RALGPS1: variants seen among roughly 807,000 people sequenced by gnomAD.
The protein encoded by RALGPS1 is Ral GEF with PH domain and SH3 binding motif 1.
In RALGPS1, 19 loss-of-function variants were observed where a neutral mutation model predicts 78.8. The observed-to-expected ratio is 0.24, with a 90% CI of 0.17 to 0.35. The LOEUF (loss-of-function observed/expected upper bound fraction) is 0.35. Ranked by LOEUF, RALGPS1 falls within the 10% of genes least tolerant of loss-of-function variation. The pLI, the probability that RALGPS1 is intolerant of heterozygous loss-of-function variation, is 1.00. For missense variants in RALGPS1, 454 were observed against 688.3 expected, an observed-to-expected ratio of 0.66 and a Z score of 3.81; for synonymous variants, 228 against 256.3, an observed-to-expected ratio of 0.89 and a Z score of 1.06.
chr9:126,928,639 T>G (rs1482086037), intron 1 of RALGPS1, among the ~76,000 whole-genome samples: 1 of 152,128 alleles, frequency 6.6e-6, no homozygotes, highest in Non-Finnish European at 1.5e-5. Context: ...CTCGCTCTTG[T>G]TGCTCAGGCT....
chr9:127,004,998 G>A (rs78426892), intron 4 of RALGPS1, among the ~76,000 whole-genome samples: 8,012 of 152,268 alleles, frequency 0.053, 242 homozygotes, highest in South Asian at 0.078. Context: ...ACTCTGGTAG[G>A]AGAGAACTTG....
At chr9:127,121,879 C>T (rs904924901) in intron 8 of RALGPS1, among the ~76,000 whole-genome samples, 3 of 152,196 alleles carry the variant, frequency 2.0e-5, no homozygotes, top group Non-Finnish European at 1.5e-5. Context: ...TCACATTGTC[C>T]CGGCCTGGGG....
intron 4 of RALGPS1, among the ~76,000 whole-genome samples, chr9:126,998,171 G>C (rs1390363359): frequency 6.6e-6 from 1 of 151,888 alleles, no homozygotes; most frequent in African/African-American, 2.4e-5. Context: ...TTGACAAATG[G>C]GATCTAATTA....
intron 4 of RALGPS1, among the ~76,000 whole-genome samples, chr9:126,984,154 T>C (rs1347205662): frequency 6.6e-6 from 1 of 152,230 alleles, no homozygotes; most frequent in African/African-American, 2.4e-5. Context: ...ACCTAGGCTC[T>C]AATGCAGTGG....
intron 4 of RALGPS1, among the ~76,000 whole-genome samples, chr9:127,000,639 C>T (rs1310908815): frequency 7.0e-6 from 1 of 142,450 alleles, no homozygotes; most frequent in African/African-American, 2.5e-5. Context: ...ACCTTTGCTT[C>T]CCAGGTTCAA....
At chr9:127,017,806 G>A (rs1453648578) in intron 4 of RALGPS1, among the ~76,000 whole-genome samples, 1 of 151,800 alleles carries the variant, frequency 6.6e-6, no homozygotes, top group Non-Finnish European at 1.5e-5. Flanking sequence ...ACACACATTA[G>A]CCTAGGTCTA....
chr9:127,115,870 A>T (rs1490780597), intron 8 of RALGPS1, among the ~76,000 whole-genome samples: 1 of 152,192 alleles, frequency 6.6e-6, no homozygotes, highest in East Asian at 1.9e-4. Flanking sequence ...AGGACTGTGC[A>T]TTGTTTGTCC....
intron 3 of RALGPS1, among the ~76,000 whole-genome samples, chr9:126,973,318 G>A (rs1474334867): frequency 6.6e-6 from 1 of 152,126 alleles, no homozygotes; most frequent in African/African-American, 2.4e-5. Flanking sequence ...AGCTCACTAG[G>A]TATGATCACA....
intron 8 of RALGPS1, among the ~76,000 whole-genome samples, chr9:127,105,166 C>G (rs1480610758): frequency 6.6e-6 from 1 of 152,156 alleles, no homozygotes; most frequent in Non-Finnish European, 1.5e-5. Context: ...AGATGGGTCA[C>G]AAGAAATCTA....
rs187414680 is a variant in RALGPS1 at position 126,963,484 on chromosome 9, T to C, written c.57+1138T>C. The stretch of plus-strand genomic sequence containing the variant: ...CACAAGGTAAGTACTCAATAAATAT[T>C]TTTTGAATAAATGAATGAGCAAATG... On this transcript the variant is annotated intron_variant, in intron 2 of 18. Transcript: ENST00000259351. Among the ~76,000 whole-genome samples, 6 of 152,324 alleles carry C rather than the reference T, an allele frequency of 3.9e-5. No homozygotes were observed. In the East Asian group the frequency reaches 1.2e-3, roughly 29 times the overall value.
intron 7 of RALGPS1, among the ~76,000 whole-genome samples, chr9:127,065,580 C>T (rs1042401183): frequency 2.0e-5 from 3 of 152,126 alleles, no homozygotes; most frequent in Admixed American, 2.0e-4. Context: ...TACCAGATAT[C>T]TAAGTAATCC....
chr9:127,103,293 T>G (rs1003147760), intron 8 of RALGPS1, among the ~76,000 whole-genome samples: 2 of 152,246 alleles, frequency 1.3e-5, no homozygotes, highest in African/African-American at 4.8e-5. Context: ...GTCCATGCCA[T>G]CCTGGCCATA....
intron 8 of RALGPS1, among the ~76,000 whole-genome samples, chr9:127,109,567 G>A (rs995663345): frequency 1.3e-5 from 2 of 152,204 alleles, no homozygotes; most frequent in African/African-American, 4.8e-5. Flanking sequence ...CCTGACCACT[G>A]CAACGTGATT....
chr9:127,184,218 A>C, intron 11 of RALGPS1: 1 of 624,600 alleles, frequency 1.6e-6, no homozygotes, highest in Non-Finnish European at 2.7e-6. Context: ...CCAGCTCCTC[A>C]GGGCTTAGGC....
chr9:126,944,054 C>T (rs570798512), intron 1 of RALGPS1, among the ~76,000 whole-genome samples: 4 of 152,218 alleles, frequency 2.6e-5, no homozygotes, highest in Non-Finnish European at 5.9e-5. Flanking sequence ...GTAATGGGCT[C>T]GCAGCCCATG....
In RALGPS1 at chr9:127,218,923, AGGGCTTCACCAGTGT is replaced by A; in HGVS notation, c.*158_*172del. 1 of 834,710 alleles carries A rather than the reference AGGGCTTCACCAGTGT, an allele frequency of 1.2e-6. No homozygotes were observed. Among genetic ancestry groups the A allele is most frequent in the South Asian group, 1.4e-5 (1 of 70,348 alleles). 51.7% of individuals were successfully genotyped at this position (834,710 alleles called of 1,614,324 possible). On this transcript the variant is annotated 3_prime_UTR_variant, in exon 19 of 19. Transcript: ENST00000259351. This position sits in a 1 kb window ranked among gnomAD's most constrained non-coding sequence, Gnocchi z 4.4. ...ACGGCCTGTGGCCTCACCATCCCAG[AGGGCTTCACCAGTGT>A]GGGATCCACCTGTCAGTCCCCAGCG...
rs117912038 is a variant in RALGPS1 at position 127,095,683 on chromosome 9, C to T, written c.610+26327C>T. Among the ~76,000 whole-genome samples the T allele has an allele frequency of 6.8e-4, 104 of 152,266 alleles. No homozygotes were observed. The East Asian group carries it at 0.019, about 28-fold the overall frequency. On this transcript the variant is annotated intron_variant, in intron 8 of 18. Transcript: ENST00000259351. ...TCTGTGTGAGTTGAAGGGAGGTGCCCATCAGTGACAGGTATACTCAGCTTT... is the reference window on the plus strand; with the variant it reads ...TCTGTGTGAGTTGAAGGGAGGTGCCTATCAGTGACAGGTATACTCAGCTTT...
At chr9:127,135,406 C>T (rs1295535254) in intron 8 of RALGPS1, among the ~76,000 whole-genome samples, 2 of 152,192 alleles carry the variant, frequency 1.3e-5, no homozygotes, top group African/African-American at 4.8e-5. Flanking sequence ...GGGGCTGGAG[C>T]TATGGCTAGC....
At chr9:127,144,683 G>A (rs1247713112) in intron 8 of RALGPS1, among the ~76,000 whole-genome samples, 1 of 152,238 alleles carries the variant, frequency 6.6e-6, no homozygotes, top group African/African-American at 2.4e-5. Context: ...AGGCAGTGAA[G>A]TACCGATCCA....
Sources: allele counts gnomAD v4.1 joint callset (sites outside exome capture counted in the v4.1 genomes callset), GRCh38; gene constraint gnomAD v4.1.1; non-coding constraint Gnocchi (gnomAD v3.1); transcripts MANE v1.5; gene names NCBI Gene and HGNC (gene_info 2026-07-23, HGNC 2026-07-21).